The following MARK2 variants were observed in gnomAD, a reference collection of about 807,000 sequenced individuals.
The protein encoded by MARK2 is serine/threonine-protein kinase MARK2.
Under a neutral mutation model 89.8 loss-of-function variants are expected in MARK2, and 16 were observed. That is an observed-to-expected ratio of 0.18 (90% CI 0.12 to 0.27). The LOEUF (loss-of-function observed/expected upper bound fraction) is 0.27. Among genes scored for constraint, MARK2 ranks in the 10% least tolerant of loss-of-function variants. The pLI is 1.00. For synonymous variants in MARK2, 382 were observed against 399.5 expected (o/e 0.96, Z 0.52); for missense variants, 621 against 1,049.9 (o/e 0.59, Z 5.65).
intron 18 of MARK2, 137 bp downstream of exon 18, chr11:63,908,441 C>T (rs1941523833): frequency 7.2e-6 from 5 of 690,800 alleles, no homozygotes; most frequent in East Asian, 5.4e-5. Context: ...GCCTCCCTTT[C>T]CTCAGAGAGT....
intron 1 of MARK2, among the ~76,000 whole-genome samples, chr11:63,854,384 T>G (rs1369813732): frequency 4.7e-5 from 7 of 148,656 alleles, no homozygotes; most frequent in Admixed American, 4.7e-4. Context: ...ATTTGTTTTT[T>G]TTTTTTTTTT....
At position 63,909,087 on chromosome 11, in the gene MARK2, G is replaced by A. The variant is rs946414887; in HGVS notation, c.2217G>A (p.Thr739=). The A allele has an allele frequency of 5.0e-6, 8 of 1,613,650 alleles. No homozygotes were observed. The highest frequency in any genetic ancestry group is 1.3e-5 in the African/African-American group (1 of 75,064). Residue 739 remains threonine (T), a synonymous_variant, in exon 19 of 19, where the codon ACG becomes ACA. Coordinates refer to ENST00000402010, the MANE Select transcript of MARK2 (RefSeq NM_001039469.3). The part of the protein sequence containing the change: ...EKYMLLCMHG[T]PGHEDFVQWE... ...ACATGCTGCTGTGCATGCACGGCAC[G>A]CCGGGCCACGAGGACTTCGTGCAGT...
chr11:63,908,790 TG>T, intron 18 of MARK2, 86 bp from the exon 19 acceptor site: 1 of 1,353,484 alleles, frequency 7.4e-7, no homozygotes, highest in Non-Finnish European at 9.7e-7. Context: ...CTCTCCTCTC[TG>T]GGCTCAGGGG....
intron 1 of MARK2, 137 bp from the exon 2 acceptor site, chr11:63,895,022 G>T: frequency 1.6e-6 from 1 of 641,920 alleles, no homozygotes; most frequent in Non-Finnish European, 2.7e-6. Context: ...CCTTTCTTCT[G>T]CTGCCATATC....
Position 63,903,833 on chromosome 11 carries a change from A to T in MARK2, c.1515-153A>T, listed in dbSNP as rs996175992. On this transcript the variant is annotated intron_variant, in intron 14 of 18. Transcript: ENST00000402010. This position sits in a 1 kb window ranked among gnomAD's most constrained non-coding sequence, Gnocchi z 5.1. ...TCCACTTCTCAGCCCCGCATTCCTC[A>T]GTTCTGACTTGCATCCCGCTGCTGC... Among the ~76,000 whole-genome samples the T allele has an allele frequency of 6.6e-6, 1 of 151,158 alleles. No homozygotes were observed. The highest frequency in any genetic ancestry group is 2.4e-5 in the African/African-American group (1 of 41,000).
intron 1 of MARK2, among the ~76,000 whole-genome samples, chr11:63,852,504 A>G (rs1565097451): frequency 6.6e-6 from 1 of 152,008 alleles, no homozygotes; most frequent in East Asian, 1.9e-4. Context: ...AAAAATTTAT[A>G]TTATTTCTCT....
In MARK2 at chr11:63,862,936, G is replaced by A. The variant is rs550202841; in HGVS notation, c.54+23376G>A. 5.9e-5 allele frequency among the ~76,000 whole-genome samples: 9 copies of A among 152,238 alleles called. No homozygotes were observed. The East Asian group carries it at 1.7e-3, about 29-fold the overall frequency. On this transcript the variant is annotated intron_variant, in intron 1 of 18. Transcript: ENST00000402010. ...TTAACTGTGTATATTTTGTCTCTAGGAAGCAAACTCAGATTCTCTCTTACA... is the reference window on the plus strand; with the variant it reads ...TTAACTGTGTATATTTTGTCTCTAGAAAGCAAACTCAGATTCTCTCTTACA...
chr11:63,910,686 C>T lies in MARK2; in HGVS notation c.*1449C>T, dbSNP rs1590729002. The T allele has an allele frequency of 1.3e-5, 2 of 148,448 alleles. No homozygotes were observed. The highest frequency in any genetic ancestry group is 4.9e-5 in the African/African-American group (2 of 40,708). The allele number at this position is 148,448 out of a possible 1,614,324, so 9.2% of individuals were successfully genotyped here. A position where few individuals can be genotyped will look rare whatever the true frequency, so the allele number is the denominator to read the frequency against. ...TTTTTTGATTTATGATGACTCCACC[C>T]CTCTTCATCACCCCCGCTCCCAGGC... On this transcript the variant is annotated 3_prime_UTR_variant, in exon 19 of 19. Coordinates refer to ENST00000402010, the MANE Select transcript of MARK2 (RefSeq NM_001039469.3).
intron 1 of MARK2, chr11:63,880,091 C>A (rs1388527956): frequency 6.6e-6 from 1 of 151,670 alleles, no homozygotes; most frequent in Non-Finnish European, 1.5e-5. Context: ...AAATCTGTAC[C>A]CAGGTAGAAA....
Position 63,903,880 on chromosome 11 carries a change from C to T in MARK2, c.1515-106C>T, listed in dbSNP as rs1303376527. ...CTGCCCAGGCCTGACTTCTACCCTGCCAGAGCTCCCCAGCTCTGGCCCTTC... is the reference window on the plus strand; with the variant it reads ...CTGCCCAGGCCTGACTTCTACCCTGTCAGAGCTCCCCAGCTCTGGCCCTTC... On this transcript the variant is annotated intron_variant, in intron 14 of 18. Coordinates refer to ENST00000402010, the MANE Select transcript of MARK2 (RefSeq NM_001039469.3). The surrounding 1 kb of genome is among the most constrained non-coding windows in gnomAD (Gnocchi z 5.1). 5 of 923,056 alleles carry T rather than the reference C, an allele frequency of 5.4e-6. No individual in the cohort carries two copies. Among genetic ancestry groups the T allele is most frequent in the African/African-American group, 1.7e-5 (1 of 59,674 alleles). 57.2% of individuals were successfully genotyped at this position (923,056 alleles called of 1,614,324 possible). A position where few individuals can be genotyped will look rare whatever the true frequency, so the allele number is the denominator to read the frequency against.
intron 1 of MARK2, chr11:63,888,407 C>A: frequency 2.4e-6 from 1 of 409,746 alleles, no homozygotes; most frequent in East Asian, 1.6e-4. Context: ...ACAGCCGTGG[C>A]TGCAGTGAGT....
intron 1 of MARK2, among the ~76,000 whole-genome samples, chr11:63,863,624 C>T (rs1052765585): frequency 5.9e-5 from 9 of 151,898 alleles, no homozygotes; most frequent in African/African-American, 2.2e-4. Context: ...GCCACCATAC[C>T]TGGTTAATTT....
At chr11:63,897,321 GC>G (rs1940494520) in intron 3 of MARK2, among the ~76,000 whole-genome samples, 1 of 152,194 alleles carries the variant, frequency 6.6e-6, no homozygotes, top group Non-Finnish European at 1.5e-5. Flanking sequence ...AAAAACCTAG[GC>G]CCTAATAAAG....
At position 63,902,974 on chromosome 11, in the gene MARK2, G is replaced by A. The variant is rs1941024463; in HGVS notation, c.1417-87G>A. ...TGTCTGCTTCAGGTGGAAGGGACAG[G>A]AAGCCTGTTCCATGAACCTGGGGGG... On this transcript the variant is annotated intron_variant, in intron 13 of 18. Coordinates refer to ENST00000402010, the MANE Select transcript of MARK2 (RefSeq NM_001039469.3). This position sits in a 1 kb window ranked among gnomAD's most constrained non-coding sequence, Gnocchi z 4.2. 1 of 1,237,642 alleles carries A rather than the reference G, an allele frequency of 8.1e-7. No individual in the cohort carries two copies. The highest frequency in any genetic ancestry group is 1.2e-6 in the Non-Finnish European group (1 of 842,830). 76.7% of individuals were successfully genotyped at this position (1,237,642 alleles called of 1,614,324 possible).
intron 1 of MARK2, among the ~76,000 whole-genome samples, chr11:63,842,375 C>G (rs997829953): frequency 6.6e-6 from 1 of 152,098 alleles, no homozygotes; most frequent in Non-Finnish European, 1.5e-5. Context: ...CACCGCCACG[C>G]CCGGCTAATT....
chr11:63,908,876 G>T lies in MARK2; in HGVS notation c.2007-1G>T. 6.7e-7 allele frequency: 1 copy of T among 1,499,666 alleles called. No homozygotes were observed. The highest frequency in any genetic ancestry group is 1.4e-5 in the South Asian group (1 of 73,550). The allele number at this position is 1,499,666 out of a possible 1,614,324, so 92.9% of individuals were successfully genotyped here. A position where few individuals can be genotyped will look rare whatever the true frequency, so the allele number is the denominator to read the frequency against. ...GACGCCCGCCTCTGCCCTCTCCACA[G>T]ACCTCACGTGGTGGGCAGTGGCGGC... On this transcript the variant is annotated splice_acceptor_variant, in intron 18 of 18. Transcript: ENST00000402010. LOFTEE classifies it high-confidence loss of function.
At chr11:63,879,087 T>C (rs1938942640) in intron 1 of MARK2, among the ~76,000 whole-genome samples, 1 of 152,070 alleles carries the variant, frequency 6.6e-6, no homozygotes, top group Non-Finnish European at 1.5e-5. Flanking sequence ...GGCAGATCAC[T>C]TGAGGACAGG....
chr11:63,860,729 G>A (rs963491846), intron 1 of MARK2, among the ~76,000 whole-genome samples: 1 of 151,794 alleles, frequency 6.6e-6, no homozygotes, highest in East Asian at 1.9e-4. Context: ...ATGGTGGCGC[G>A]TGCCTATAGT....
At position 63,900,925 on chromosome 11, in the gene MARK2, G is replaced by C. The variant is rs1227095802; in HGVS notation, c.989-32G>C. 1 of 1,611,524 alleles carries C rather than the reference G, an allele frequency of 6.2e-7. No homozygotes were observed. On this transcript the variant is annotated intron_variant, in intron 10 of 18. Transcript: ENST00000402010. The surrounding 1 kb of genome is among the most constrained non-coding windows in gnomAD (Gnocchi z 4.7). ...GAGGTTAAGCTTGCCTAGGAGTTGA[G>C]GCCAGTCTTAACTGTATGTCCCCCT...
Sources: gnomAD v4.1 joint callset for allele counts (sites outside exome capture counted in the v4.1 genomes callset) on GRCh38, gnomAD v4.1.1 for gene constraint, Gnocchi (gnomAD v3.1) non-coding constraint, MANE v1.5 for transcripts, NCBI Gene and HGNC (gene_info 2026-07-23, HGNC 2026-07-21) for gene names.